The following ADTRP variants were observed in gnomAD, a reference collection of about 807,000 sequenced individuals.
ADTRP encodes the protein androgen-dependent TFPI-regulating protein.
ADTRP carries 20 observed loss-of-function variants against 27.0 expected under a neutral mutation model. The observed-to-expected ratio is 0.74, with a 90% CI of 0.52 to 1.08. The LOEUF is 1.08. Ranked by LOEUF, ADTRP falls within the 50% of genes least tolerant of loss-of-function variation. The pLI is 0.00. For synonymous variants in ADTRP, 101 were observed against 105.2 expected, an observed-to-expected ratio of 0.96 and a Z score of 0.25; for missense variants, 251 against 275.0, an observed-to-expected ratio of 0.91 and a Z score of 0.62.
chr6:11,757,752 A>G (rs565719885), intron 3 of ADTRP, among the ~76,000 whole-genome samples: 1 of 152,336 alleles, frequency 6.6e-6, no homozygotes, highest in South Asian at 2.1e-4. Context: ...ATGTGTCTAC[A>G]AGCCAAGGAC....
At chr6:11,778,544 T>A in intron 1 of ADTRP, 63 bp downstream of exon 1, 2 of 1,508,670 alleles carry the variant, frequency 1.3e-6, no homozygotes, top group Non-Finnish European at 1.8e-6. Flanking sequence ...AAAGATGATA[T>A]GTGTGGCAGC....
chr6:11,741,345 T>G (rs1359930980), intron 3 of ADTRP, among the ~76,000 whole-genome samples: 1 of 152,252 alleles, frequency 6.6e-6, no homozygotes, highest in Non-Finnish European at 1.5e-5. Flanking sequence ...GTGACCCAGC[T>G]GTTCACTGTA....
At chr6:11,769,269 T>C (rs538962992) in intron 1 of ADTRP, among the ~76,000 whole-genome samples, 2 of 152,170 alleles carry the variant, frequency 1.3e-5, no homozygotes, top group East Asian at 3.9e-4. Flanking sequence ...AGAGGGGTGG[T>C]CTGGACTCTG....
At chr6:11,730,251 C>T (rs1449905440) in intron 4 of ADTRP, among the ~76,000 whole-genome samples, 1 of 152,148 alleles carries the variant, frequency 6.6e-6, no homozygotes, top group African/African-American at 2.4e-5. Flanking sequence ...TATGAATTTA[C>T]AGGTAGGGTA....
At chr6:11,747,393 G>T (rs915359221) in intron 3 of ADTRP, among the ~76,000 whole-genome samples, 8 of 152,196 alleles carry the variant, frequency 5.3e-5, no homozygotes, top group Non-Finnish European at 1.0e-4. Context: ...AAGCACAAGG[G>T]TTTGTTTTGT....
At chr6:11,777,963 T>G (rs561984880) in intron 1 of ADTRP, among the ~76,000 whole-genome samples, 6 of 152,342 alleles carry the variant, frequency 3.9e-5, no homozygotes, top group African/African-American at 1.4e-4. Context: ...TCCCATTCAT[T>G]CACACTTCAT....
intron 3 of ADTRP, among the ~76,000 whole-genome samples, chr6:11,741,502 G>A (rs1474489805): frequency 6.6e-6 from 1 of 152,216 alleles, no homozygotes; most frequent in Non-Finnish European, 1.5e-5. Flanking sequence ...GAACTCTTAT[G>A]TGACTTGAAC....
intron 5 of ADTRP, among the ~76,000 whole-genome samples, chr6:11,717,603 G>T (rs547027899): frequency 3.0e-4 from 46 of 152,342 alleles, no homozygotes; most frequent in African/African-American, 1.1e-3. Flanking sequence ...AAGAACATTT[G>T]CCTAGTTTCA....
At chr6:11,766,159 G>A (rs1763564185) in intron 3 of ADTRP, 115 bp downstream of exon 3, 1 of 699,858 alleles carries the variant, frequency 1.4e-6, no homozygotes, top group South Asian at 2.2e-5. Flanking sequence ...AAACAGTGAT[G>A]AGGTAGATTG....
chr6:11,743,196 G>GT (rs962464887), intron 3 of ADTRP, among the ~76,000 whole-genome samples: 12 of 152,098 alleles, frequency 7.9e-5, no homozygotes, highest in South Asian at 2.1e-4. Flanking sequence ...AATTTCATGT[G>GT]TTTTTTTCCC....
chr6:11,748,591 A>G (rs1042747482), intron 3 of ADTRP, among the ~76,000 whole-genome samples: 5 of 152,236 alleles, frequency 3.3e-5, no homozygotes, highest in Admixed American at 2.0e-4. Flanking sequence ...TACCAATCAC[A>G]ATATGTGCTA....
chr6:11,776,218 G>A (rs1413960796), intron 1 of ADTRP, among the ~76,000 whole-genome samples: 1 of 152,192 alleles, frequency 6.6e-6, no homozygotes, highest in Non-Finnish European at 1.5e-5. Context: ...AGCTCAGAAA[G>A]AAAATCACCA....
intron 3 of ADTRP, among the ~76,000 whole-genome samples, chr6:11,752,689 C>T (rs1763095911): frequency 6.6e-6 from 1 of 152,176 alleles, no homozygotes; most frequent in East Asian, 1.9e-4. Context: ...CTGCTAACCT[C>T]ATGTCTGCAA....
intron 4 of ADTRP, among the ~76,000 whole-genome samples, chr6:11,733,116 T>A (rs1321285923): frequency 6.6e-6 from 1 of 152,212 alleles, no homozygotes; most frequent in African/African-American, 2.4e-5. Context: ...CACCTCCCAT[T>A]GTTCACACTC....
rs1762081468 is a variant in ADTRP at position 11,723,386 on chromosome 6, G to C, written c.621C>G (p.Ile207Met). Residue 207 changes from isoleucine to methionine, a missense_variant, in exon 5 of 6, where the codon ATC (isoleucine) becomes ATG (methionine). Physicochemically the swap from Ile to Met is conservative, Grantham distance 10. Transcript: ENST00000414691. ...GGTTGAGCTTCTCTCCAAGTAGGTAGATGCTGGCGATGAAGACGTAGCTGA... is the reference window on the plus strand; with the variant it reads ...GGTTGAGCTTCTCTCCAAGTAGGTACATGCTGGCGATGAAGACGTAGCTGA... ...FSLSYVFIAS[I>M]YLLGEKLNHW... is the part of the protein sequence containing the mutation. 1 of 1,614,164 alleles carries C rather than the reference G, an allele frequency of 6.2e-7. No homozygotes were observed. Among genetic ancestry groups the C allele is most frequent in the Middle Eastern group, 1.6e-4 (1 of 6,062 alleles).
intron 5 of ADTRP, among the ~76,000 whole-genome samples, chr6:11,720,560 C>A (rs1056782299): frequency 1.3e-5 from 2 of 151,992 alleles, no homozygotes; most frequent in East Asian, 1.9e-4. Context: ...CAAGCTCCGC[C>A]TCCTGGTTTC....
rs1241602844 is a variant in ADTRP at position 11,714,288 on chromosome 6, C to T, written c.*190G>A. ...AGTTGTTTTTGGCATGTGCAGTCAA[C>T]CTTTCAAAAAACCAAGAGTTCTCAA... On this transcript the variant is annotated 3_prime_UTR_variant, in exon 6 of 6. Coordinates refer to ENST00000414691, the MANE Select transcript of ADTRP (RefSeq NM_032744.4). 3.2e-6 allele frequency: 2 copies of T among 619,308 alleles called. No homozygotes were observed. Among genetic ancestry groups the T allele is most frequent in the East Asian group, 5.9e-5 (2 of 33,724 alleles). 38.4% of individuals were successfully genotyped at this position (619,308 alleles called of 1,614,324 possible).
chr6:11,768,381 G>C lies in ADTRP; in HGVS notation c.156C>G (p.Leu52=), dbSNP rs1354707298. 1 of 1,614,086 alleles carries C rather than the reference G, an allele frequency of 6.2e-7. No homozygotes were observed. Among genetic ancestry groups the C allele is most frequent in the Non-Finnish European group, 8.5e-7 (1 of 1,179,990 alleles). ...TGACCCCGTAGAAAATGGTCTGCAA[G>C]AGCTAAATCCATTACAACAAATGAG... ...RWKYMTLLNL[L]LQTIFYGVTC... is the part of the protein sequence containing the mutation. Residue 52 remains leucine (L), a splice_region_variant and synonymous_variant, in exon 2 of 6, where the codon CTC becomes CTG. Transcript: ENST00000414691.
intron 1 of ADTRP, chr6:11,770,095 A>G (rs1315580758): frequency 1.3e-6 from 2 of 1,542,862 alleles, no homozygotes; most frequent in Admixed American, 4.0e-5. Flanking sequence ...CTAGACTTCG[A>G]AAAAATAAAA....
Sources: gnomAD v4.1 joint callset for allele counts (sites outside exome capture counted in the v4.1 genomes callset) on GRCh38, gnomAD v4.1.1 for gene constraint, MANE v1.5 for transcripts, NCBI Gene and HGNC (gene_info 2026-07-23, HGNC 2026-07-21) for gene names.